Variants in ZBTB16 observed in about 807,000 individuals in gnomAD.
ZBTB16 encodes zinc finger and BTB domain-containing protein 16.
A neutral mutation model predicts 56.8 loss-of-function variants in ZBTB16; 8 were observed. The ratio of observed to expected loss-of-function variants is 0.14; its 90% CI spans 0.08 to 0.25. ZBTB16 has a LOEUF of 0.25. Among genes scored for constraint, ZBTB16 ranks in the 10% least tolerant of loss-of-function variants. The pLI, the probability that ZBTB16 is intolerant of heterozygous loss-of-function variation, is 1.00. For missense variants in ZBTB16, 625 were observed against 903.0 expected, an observed-to-expected ratio of 0.69 and a Z score of 3.95; for synonymous variants, 363 against 368.5, an observed-to-expected ratio of 0.98 and a Z score of 0.17.
chr11:114,167,382 T>G (rs1304726989), intron 3 of ZBTB16, among the ~76,000 whole-genome samples: 2 of 78,012 alleles, frequency 2.6e-5, no homozygotes, highest in African/African-American at 2.1e-4. Context: ...GGGCGAGTTT[T>G]TTTGTTTTTT....
intron 2 of ZBTB16, among the ~76,000 whole-genome samples, chr11:114,065,327 T>G (rs1176221701): frequency 1.3e-5 from 2 of 152,226 alleles, no homozygotes; most frequent in African/African-American, 2.4e-5. Context: ...AAATAACCAT[T>G]CATTGAGCTC....
chr11:114,089,815 T>A (rs1403522349), intron 2 of ZBTB16, among the ~76,000 whole-genome samples: 1 of 152,152 alleles, frequency 6.6e-6, no homozygotes. Flanking sequence ...GTCTGGCTGC[T>A]CCCCCTCTAG....
chr11:114,141,632 G>A (rs138270021), intron 2 of ZBTB16, among the ~76,000 whole-genome samples: 51 of 152,306 alleles, frequency 3.3e-4, no homozygotes, highest in Non-Finnish European at 6.3e-4. Context: ...CTGAGACTTG[G>A]AGGATCCCAA....
At position 114,218,600 on chromosome 11, in the gene ZBTB16, T is replaced by C. The variant is rs115491352; in HGVS notation, c.1454-23567T>C. 7.9e-3 allele frequency among the ~76,000 whole-genome samples: 1,200 copies of C among 152,340 alleles called. 12 individuals carry two copies. The highest frequency in any genetic ancestry group is 0.024 in the African/African-American group (995 of 41,576). On this transcript the variant is annotated intron_variant, in intron 4 of 6. Coordinates refer to ENST00000335953, the MANE Select transcript of ZBTB16 (RefSeq NM_006006.6). The stretch of plus-strand genomic sequence containing the variant: ...AAAGACTTTGTGGTTGAGTTTGCCT[T>C]CAAGGTCAAGATCAGACCTTTCTAA...
intron 2 of ZBTB16, among the ~76,000 whole-genome samples, chr11:114,077,067 A>G (rs1170693302): frequency 6.6e-6 from 1 of 152,168 alleles, no homozygotes; most frequent in African/African-American, 2.4e-5. Context: ...GATCATGTTA[A>G]CTGGATGTAA....
At chr11:114,119,732 T>A (rs909298537) in intron 2 of ZBTB16, among the ~76,000 whole-genome samples, 2 of 152,070 alleles carry the variant, frequency 1.3e-5, no homozygotes, top group African/African-American at 4.8e-5. Flanking sequence ...GTTAGGTTCT[T>A]TAAAAGACAG....
intron 2 of ZBTB16, among the ~76,000 whole-genome samples, chr11:114,065,604 C>T (rs559579533): frequency 9.2e-5 from 14 of 152,276 alleles, no homozygotes; most frequent in Admixed American, 2.0e-4. Flanking sequence ...TTAGTAGAGA[C>T]GGGCTTTCAC....
At chr11:114,230,569 C>T (rs1386604391) in intron 4 of ZBTB16, among the ~76,000 whole-genome samples, 1 of 136,960 alleles carries the variant, frequency 7.3e-6, no homozygotes, top group Non-Finnish European at 1.5e-5. Context: ...GCCCACAGCC[C>T]TCCTTTTAAT....
At chr11:114,204,737 T>C (rs1006052986) in intron 4 of ZBTB16, among the ~76,000 whole-genome samples, 5 of 152,122 alleles carry the variant, frequency 3.3e-5, no homozygotes, top group African/African-American at 1.2e-4. Context: ...CAAGATAAAC[T>C]GGGCCCGCCA....
intron 4 of ZBTB16, among the ~76,000 whole-genome samples, chr11:114,218,836 A>G (rs1253135881): frequency 6.6e-5 from 10 of 152,252 alleles, no homozygotes; most frequent in Non-Finnish European, 1.0e-4. Flanking sequence ...AGTAAATTCA[A>G]TGATAAGAAT....
intron 6 of ZBTB16, among the ~76,000 whole-genome samples, chr11:114,248,605 G>A (rs1248660509): frequency 6.6e-6 from 1 of 152,212 alleles, no homozygotes; most frequent in African/African-American, 2.4e-5. Context: ...AGGGGGAGAG[G>A]TGGCTTCAGG....
intron 2 of ZBTB16, among the ~76,000 whole-genome samples, chr11:114,148,785 G>A (rs1162845029): frequency 6.6e-6 from 1 of 151,884 alleles, no homozygotes; most frequent in East Asian, 1.9e-4. Flanking sequence ...GAGCCACCGC[G>A]CCCGCCTGCC....
chr11:114,064,681 G>A lies in ZBTB16; in HGVS notation c.1268+113G>A. On this transcript the variant is annotated intron_variant, in intron 2 of 6. Transcript: ENST00000335953. The surrounding 1 kb of genome is among the most constrained non-coding windows in gnomAD (Gnocchi z 4.2). The stretch of plus-strand genomic sequence containing the variant: ...CCTGGCTCCCCTGTCTTGGCAATTT[G>A]TGAAAAAACCAGAACACTTCTTCTA... 1 of 1,387,196 alleles carries A rather than the reference G, an allele frequency of 7.2e-7. No homozygotes were observed. Among genetic ancestry groups the A allele is most frequent in the Non-Finnish European group, 9.9e-7 (1 of 1,011,124 alleles). The allele number at this position is 1,387,196 out of a possible 1,614,324, so 85.9% of individuals were successfully genotyped here.
intron 3 of ZBTB16, among the ~76,000 whole-genome samples, chr11:114,165,634 G>A (rs1279800088): frequency 1.3e-5 from 2 of 152,186 alleles, no homozygotes; most frequent in African/African-American, 4.8e-5. Context: ...TCTCAGAAAA[G>A]GATTATAAAT....
At chr11:114,226,064 C>T (rs1007091675) in intron 4 of ZBTB16, among the ~76,000 whole-genome samples, 1 of 152,208 alleles carries the variant, frequency 6.6e-6, no homozygotes, top group Non-Finnish European at 1.5e-5. Flanking sequence ...TTGCTTTGTA[C>T]TTCTCAGACT....
In ZBTB16 at chr11:114,064,581, C is replaced by T. The variant is rs201598089; in HGVS notation, c.1268+13C>T. On this transcript the variant is annotated intron_variant, in intron 2 of 6. Transcript: ENST00000335953. This position sits in a 1 kb window ranked among gnomAD's most constrained non-coding sequence, Gnocchi z 4.2. ...TGGAGCAGCACAGGTAGGCCCCGCT[C>T]CAGCCCCGCACCTGATGTAGGACTT... 4.8e-5 allele frequency: 78 copies of T among 1,612,932 alleles called. No homozygotes were observed. The Middle Eastern group carries it at 5.2e-4, about 11-fold the overall frequency.
intron 2 of ZBTB16, chr11:114,121,921 T>C: frequency 2.2e-6 from 1 of 447,970 alleles, no homozygotes; most frequent in South Asian, 1.6e-5. Context: ...TTTGGTAAGT[T>C]TGGCTGCAAG....
intron 4 of ZBTB16, among the ~76,000 whole-genome samples, chr11:114,204,022 A>G (rs893854075): frequency 6.6e-6 from 1 of 152,210 alleles, no homozygotes; most frequent in Non-Finnish European, 1.5e-5. Flanking sequence ...CACTCTTGTC[A>G]AAAGCAAGAC....
rs944325246 is a variant in ZBTB16 at position 114,251,632 on chromosome 11, G to A, written c.*1077G>A. ...TGAGGGAAGCTGGGCAAGGGAGAAA[G>A]TTGTTGAGTCACACTGGGGACCCCA... is the stretch of plus-strand genomic sequence containing the variant. On this transcript the variant is annotated 3_prime_UTR_variant, in exon 7 of 7. Transcript: ENST00000335953. Among the ~76,000 whole-genome samples the A allele has an allele frequency of 2.6e-5, 4 of 152,184 alleles. No individual in the cohort carries two copies. Among genetic ancestry groups the A allele is most frequent in the African/African-American group, 9.7e-5 (4 of 41,444 alleles).
Sources: allele counts gnomAD v4.1 joint callset (sites outside exome capture counted in the v4.1 genomes callset), GRCh38; gene constraint gnomAD v4.1.1; non-coding constraint Gnocchi (gnomAD v3.1); transcripts MANE v1.5; gene names NCBI Gene and HGNC (gene_info 2026-07-23, HGNC 2026-07-21).